PRPSAP1: variants seen among roughly 807,000 people sequenced by gnomAD.
PRPSAP1 encodes phosphoribosyl pyrophosphate synthetase associated protein 1.
A neutral mutation model predicts 39.4 loss-of-function variants in PRPSAP1; 31 were observed. The ratio of observed to expected loss-of-function variants is 0.79; its 90% CI spans 0.59 to 1.06. PRPSAP1 has a LOEUF of 1.06. Among genes scored for constraint, PRPSAP1 ranks in the 50% least tolerant of loss-of-function variants. PRPSAP1 has a pLI of 0.00. For synonymous variants in PRPSAP1, 212 were observed against 192.6 expected, an observed-to-expected ratio of 1.10 and a Z score of -0.83; for missense variants, 430 against 511.6, an observed-to-expected ratio of 0.84 and a Z score of 1.54.
At chr17:76,343,944 A>T (rs1321031086) in intron 3 of PRPSAP1, among the ~76,000 whole-genome samples, 1 of 152,096 alleles carries the variant, frequency 6.6e-6, no homozygotes, top group African/African-American at 2.4e-5. Flanking sequence ...CATGCAAACG[A>T]ATGTATAACT....
chr17:76,342,374 T>A (rs1440514902), intron 3 of PRPSAP1, among the ~76,000 whole-genome samples: 1 of 152,110 alleles, frequency 6.6e-6, no homozygotes, highest in Non-Finnish European at 1.5e-5. Flanking sequence ...TGAGGGACAT[T>A]CGACAAAGTA....
intron 8 of PRPSAP1, 162 bp from the exon 9 acceptor site, chr17:76,313,178 A>C: frequency 1.1e-6 from 1 of 880,326 alleles, no homozygotes; most frequent in African/African-American, 1.7e-5. Flanking sequence ...CAGAAATGGC[A>C]ACAGAAGCAC....
chr17:76,326,080 T>C (rs1407622769), intron 7 of PRPSAP1, among the ~76,000 whole-genome samples: 5 of 152,188 alleles, frequency 3.3e-5, no homozygotes, highest in African/African-American at 1.2e-4. Flanking sequence ...CCTACTGCAA[T>C]GGTGCAGAAC....
At chr17:76,329,938 G>C in intron 6 of PRPSAP1, 105 bp downstream of exon 6, 1 of 1,025,012 alleles carries the variant, frequency 9.8e-7, no homozygotes, top group Non-Finnish European at 1.5e-6. Context: ...ATGAGAGCCA[G>C]TGGGCTTTCA....
At chr17:76,344,544 C>T (rs2071475205) in intron 3 of PRPSAP1, 127 bp downstream of exon 3, 14 of 828,432 alleles carry the variant, frequency 1.7e-5, no homozygotes, top group South Asian at 5.0e-5. Flanking sequence ...GCATAACAGG[C>T]GTGAGCCACA....
intron 3 of PRPSAP1, among the ~76,000 whole-genome samples, chr17:76,333,462 T>C (rs755361272): frequency 5.8e-4 from 89 of 152,166 alleles, no homozygotes; most frequent in Non-Finnish European, 1.0e-3. Flanking sequence ...CCAGCCAATA[T>C]GGTGAAACCT....
intron 4 of PRPSAP1, among the ~76,000 whole-genome samples, chr17:76,331,542 T>A (rs1162810324): frequency 6.6e-6 from 1 of 152,206 alleles, no homozygotes; most frequent in African/African-American, 2.4e-5. Flanking sequence ...TTATAAATAA[T>A]CTACAGATGA....
intron 9 of PRPSAP1, among the ~76,000 whole-genome samples, chr17:76,311,973 A>G (rs2071074856): frequency 1.3e-5 from 2 of 152,196 alleles, no homozygotes; most frequent in Non-Finnish European, 2.9e-5. Flanking sequence ...AAACTCTCAG[A>G]TCATAAGGGA....
intron 7 of PRPSAP1, among the ~76,000 whole-genome samples, chr17:76,321,925 C>T (rs950072131): frequency 1.1e-4 from 16 of 152,072 alleles, no homozygotes; most frequent in Non-Finnish European, 2.1e-4. Flanking sequence ...AAACCAGACA[C>T]AAAATAAAAT....
chr17:76,313,034 T>C lies in PRPSAP1; in HGVS notation c.853-18A>G, dbSNP rs1217923483. On this transcript the variant is annotated intron_variant, in intron 8 of 9. Transcript: ENST00000446526. The stretch of plus-strand genomic sequence containing the variant: ...ATGTCATCCTGGGAGGAGAACAGAG[T>C]GAGTTGGTAGGAAAGAAACACCCTC... 3 of 1,611,634 alleles carry C rather than the reference T, an allele frequency of 1.9e-6. No homozygotes were observed. Among genetic ancestry groups the C allele is most frequent in the South Asian group, 2.2e-5 (2 of 90,922 alleles).
chr17:76,351,375 C>A (rs905997080), intron 1 of PRPSAP1, among the ~76,000 whole-genome samples: 1 of 152,062 alleles, frequency 6.6e-6, no homozygotes, highest in Non-Finnish European at 1.5e-5. Context: ...ATTAGCTGTG[C>A]GAGGTGGCGG....
At chr17:76,342,049 C>T (rs1246825825) in intron 3 of PRPSAP1, among the ~76,000 whole-genome samples, 1 of 152,132 alleles carries the variant, frequency 6.6e-6, no homozygotes, top group African/African-American at 2.4e-5. Context: ...ATTAGTATAT[C>T]CTCAATGAGG....
chr17:76,330,637 G>A lies in PRPSAP1; in HGVS notation c.493C>T (p.His165Tyr). The A allele has an allele frequency of 2.5e-6, 4 of 1,612,756 alleles. No homozygotes were observed. Among genetic ancestry groups the A allele is most frequent in the Non-Finnish European group, 3.4e-6 (4 of 1,179,040 alleles). Residue 165 changes from histidine (H) to tyrosine (Y), a missense_variant, in exon 5 of 10, where the codon CAT (histidine) becomes TAT (tyrosine). By Grantham distance (83) the His-to-Tyr change is moderately conservative. Coordinates refer to ENST00000446526, the MANE Select transcript of PRPSAP1 (RefSeq NM_002766.3). ...GLTHIITMDL[H>Y]QKEIQGFFSF... ...AAAAAGCCTTGTATTTCCTTTTGAT[G>A]AAGATCCATAGTGATAATGTGAGTT...
rs769190777 is a variant in PRPSAP1 at position 76,353,834 on chromosome 17, C to A, written c.-131G>T. The A allele has an allele frequency of 4.0e-4, 547 of 1,379,558 alleles. 1 individual carries two copies. Among genetic ancestry groups the A allele is most frequent in the Non-Finnish European group, 4.8e-4 (521 of 1,074,832 alleles). 85.5% of individuals were successfully genotyped at this position (1,379,558 alleles called of 1,614,324 possible). A position where few individuals can be genotyped will look rare whatever the true frequency, so the allele number is the denominator to read the frequency against. On this transcript the variant is annotated 5_prime_UTR_variant, in exon 1 of 10. Transcript: ENST00000446526. ...GCGCAAGCGGGGAGAGCTCCGAGGT[C>A]CGTGCCCTTGCGCACCCCACACCAC...
chr17:76,338,465 G>A (rs2071401885), intron 3 of PRPSAP1, among the ~76,000 whole-genome samples: 1 of 152,152 alleles, frequency 6.6e-6, no homozygotes, highest in Admixed American at 6.5e-5. Flanking sequence ...CATTCTGGGA[G>A]GCTGAGGCAG....
At chr17:76,345,324 A>G in intron 2 of PRPSAP1, among the ~76,000 whole-genome samples, 1 of 141,840 alleles carries the variant, frequency 7.1e-6, no homozygotes. Flanking sequence ...AAAATTAGCC[A>G]GGCATGGTGG....
rs547785106 is a variant in PRPSAP1, at chr17:76,313,008, A to C, written c.861T>G (p.Ile287Met). 3.1e-5 allele frequency: 50 copies of C among 1,613,762 alleles called. 1 individual carries two copies. In the South Asian group the frequency reaches 5.3e-4, roughly 17 times the overall value. The change falls in exon 9 of 10, where the codon ATT becomes ATG. Residue 287 changes from isoleucine to methionine, a missense_variant. By Grantham distance (10) the Ile-to-Met change is conservative (BLOSUM62 1). Transcript: ENST00000446526. ...CAACAAAACTCTCCACATCGTCAATAATGTCATCCTGGGAGGAGAACAGAG... is the reference window on the plus strand; with the variant it reads ...CAACAAAACTCTCCACATCGTCAATCATGTCATCCTGGGAGGAGAACAGAG... ...GGRIAIIVDD[I>M]IDDVESFVAA... is the part of the protein sequence containing the mutation.
Position 76,323,171 on chromosome 17 carries a change from G to A in PRPSAP1, c.781+5546C>T, listed in dbSNP as rs112206791. 3.6e-3 allele frequency among the ~76,000 whole-genome samples: 323 copies of A among 90,358 alleles called. 10 individuals carry two copies. Among genetic ancestry groups the A allele is most frequent in the African/African-American group, 0.018 (296 of 16,634 alleles). 59.3% of individuals were successfully genotyped at this position (90,358 alleles called of 152,430 possible). A position where few individuals can be genotyped will look rare whatever the true frequency, so the allele number is the denominator to read the frequency against. ...AGCCTGGCCAACATGGTGAAACCCT[G>A]TCTCTATTAAAAATACAAAAATTAG... On this transcript the variant is annotated intron_variant, in intron 7 of 9. Coordinates refer to ENST00000446526, the MANE Select transcript of PRPSAP1 (RefSeq NM_002766.3).
At chr17:76,326,503 G>A (rs1429642660) in intron 7 of PRPSAP1, among the ~76,000 whole-genome samples, 1 of 152,130 alleles carries the variant, frequency 6.6e-6, no homozygotes, top group Non-Finnish European at 1.5e-5. Context: ...TGTGTTTCCT[G>A]TGATTTTCTG....
Sources: gnomAD v4.1 joint callset for allele counts (sites outside exome capture counted in the v4.1 genomes callset) on GRCh38, gnomAD v4.1.1 for gene constraint, MANE v1.5 for transcripts, NCBI Gene and HGNC (gene_info 2026-07-23, HGNC 2026-07-21) for gene names.